Variants in SLC7A7 observed in about 807,000 individuals in gnomAD.
SLC7A7 encodes the protein solute carrier family 7 member 7, also known as Y+L amino acid transporter 1.
In SLC7A7, 39 loss-of-function variants were observed where a neutral mutation model predicts 47.9. The observed-to-expected ratio is 0.81, with a 90% confidence interval of 0.63 to 1.06. The LOEUF (loss-of-function observed/expected upper bound fraction) is 1.06, where lower values mean the gene tolerates loss of function less well. SLC7A7 is among the 50% of genes least tolerant of loss of function. The pLI is 0.00. For missense variants in SLC7A7, 588 were observed against 632.0 expected (o/e 0.93, Z 0.75); for synonymous variants, 234 against 242.8 (o/e 0.96, Z 0.34).
rs572640614 is a variant in SLC7A7, at chr14:22,809,342, C to CTTT, written c.499+3555_499+3557dup. Among the ~76,000 whole-genome samples, 5 of 133,672 alleles carry CTTT rather than the reference C, an allele frequency of 3.7e-5. 1 individual carries two copies. Among genetic ancestry groups the CTTT allele is most frequent in the Non-Finnish European group, 4.9e-5 (3 of 61,718 alleles). The allele number at this position is 133,672 out of a possible 152,430, so 87.7% of individuals were successfully genotyped here. A position where few individuals can be genotyped will look rare whatever the true frequency, so the allele number is the denominator to read the frequency against. ...TATAGGCACCCACCACCACACCCAG[C>CTTT]TTTTTTTTTTTTTTTTGAGACAGAG... On this transcript the variant is annotated intron_variant, in intron 2 of 9. Transcript: ENST00000674313.
chr14:22,793,163 C>T (rs1439651043), intron 2 of SLC7A7, among the ~76,000 whole-genome samples: 3 of 151,822 alleles, frequency 2.0e-5, no homozygotes, highest in East Asian at 2.0e-4. Flanking sequence ...GTAATCCGCC[C>T]GCCTCGGCTT....
At chr14:22,787,630 C>CTA (rs2038840832) in intron 2 of SLC7A7, among the ~76,000 whole-genome samples, 1 of 151,688 alleles carries the variant, frequency 6.6e-6, no homozygotes, top group Non-Finnish European at 1.5e-5. Context: ...ATGGCACACG[C>CTA]CTGTGGTCCC....
rs34293345 is a variant in SLC7A7, at chr14:22,782,414, A to ATT, written c.500-2365_500-2364dup. On this transcript the variant is annotated intron_variant, in intron 2 of 9. Transcript: ENST00000674313. ...CACCGCGCCCGGCCTATATTTTATT[A>ATT]TTTTTTTTTATTTACTTATTTATTG... 2.2e-3 allele frequency among the ~76,000 whole-genome samples: 302 copies of ATT among 137,204 alleles called. 1 individual carries two copies. Among genetic ancestry groups the ATT allele is most frequent in the African/African-American group, 7.3e-3 (278 of 38,338 alleles). 90.0% of individuals were successfully genotyped at this position (137,204 alleles called of 152,430 possible).
chr14:22,793,877 T>G (rs1331581166), intron 2 of SLC7A7, among the ~76,000 whole-genome samples: 1 of 151,942 alleles, frequency 6.6e-6, no homozygotes, highest in African/African-American at 2.4e-5. Flanking sequence ...GATTCTGACC[T>G]TCCCTAAACT....
intron 4 of SLC7A7, among the ~76,000 whole-genome samples, chr14:22,777,524 C>T (rs572497304): frequency 1.3e-5 from 2 of 152,102 alleles, no homozygotes; most frequent in East Asian, 1.9e-4. Flanking sequence ...GTCCCTGTAG[C>T]CCAATAAAGC....
intron 2 of SLC7A7, among the ~76,000 whole-genome samples, chr14:22,812,215 G>A (rs989407492): frequency 7.9e-5 from 12 of 151,810 alleles, no homozygotes; most frequent in Admixed American, 1.3e-4. Context: ...TGCCCAGGCT[G>A]GAGTGCAGTG....
In SLC7A7 at chr14:22,813,198, G is replaced by C. The variant is rs1253918930; in HGVS notation, c.201C>G (p.Ala67=). The C allele has an allele frequency of 6.2e-7, 1 of 1,614,204 alleles. No homozygotes were observed. The highest frequency in any genetic ancestry group is 2.2e-5 in the East Asian group (1 of 44,882). The change falls in exon 2 of 10, where the codon GCC becomes GCG. Residue 67 remains alanine (A), a synonymous_variant. Coordinates refer to ENST00000674313, the MANE Select transcript of SLC7A7 (RefSeq NM_003982.4). ...AGATGACCAGAGAGAGACCAAAGGA[G>C]GCACTGTATATGAGCACACCCTTGG... ...VSPKGVLIYS[A]SFGLSLVIWA... is the part of the protein sequence containing the mutation.
chr14:22,797,662 G>A (rs943390301), intron 2 of SLC7A7, among the ~76,000 whole-genome samples: 1 of 152,176 alleles, frequency 6.6e-6, no homozygotes, highest in African/African-American at 2.4e-5. Context: ...TGCTGCTGGG[G>A]TGGGGGAGGG....
At chr14:22,818,171 G>A (rs1033468757), upstream of SLC7A7, among the ~76,000 whole-genome samples, 19 of 152,294 alleles carry the variant, frequency 1.2e-4, no homozygotes, top group African/African-American at 4.3e-4. Flanking sequence ...GGGGAATGGA[G>A]AGAGAAGTGT....
Position 22,813,167 on chromosome 14 carries a change from C to T in SLC7A7, c.232G>A (p.Val78Ile). The change falls in exon 2 of 10, where the codon GTC becomes ATC. Residue 78 changes from valine to isoleucine, a missense_variant. Val to Ile is a conservative substitution (Grantham distance 29). Transcript: ENST00000674313. ...SFGLSLVIWA[V>I]GGLFSVFGAL... is the part of the protein sequence containing the mutation. ...CCAAAGACGGAGAAGAGGCCCCCGA[C>T]AGCCCAGATGACCAGAGAGAGACCA... 6 of 1,614,224 alleles carry T rather than the reference C, an allele frequency of 3.7e-6. No individual in the cohort carries two copies. The highest frequency in any genetic ancestry group is 5.1e-6 in the Non-Finnish European group (6 of 1,180,046).
rs11430909 is a variant in SLC7A7 at position 22,778,577 on chromosome 14, T to TA, written c.770+215dup. ...TAATGAACAAATGTAAAAATGCCTT[T>TA]AAAAATTTACAAAGCATACATGAGT... On this transcript the variant is annotated intron_variant, in intron 4 of 9. Transcript: ENST00000674313. Among the ~76,000 whole-genome samples, 70,271 of 152,062 alleles carry TA rather than the reference T, an allele frequency of 0.46. 16,420 individuals carry two copies. Among genetic ancestry groups the TA allele is most frequent in the Admixed American group, 0.49 (7,495 of 15,270 alleles).
At chr14:22,794,268 C>T (rs1428770687) in intron 2 of SLC7A7, among the ~76,000 whole-genome samples, 2 of 152,172 alleles carry the variant, frequency 1.3e-5, no homozygotes, top group Non-Finnish European at 2.9e-5. Context: ...TGGGCAGTTA[C>T]ACCTCTGGCA....
chr14:22,801,127 T>C (rs76817858), intron 2 of SLC7A7, among the ~76,000 whole-genome samples: 1 of 152,248 alleles, frequency 6.6e-6, no homozygotes, highest in African/African-American at 2.4e-5. Flanking sequence ...CACTACGTTT[T>C]AGACTATTTG....
Position 22,773,459 on chromosome 14 carries a change from C to T in SLC7A7, c.*151G>A, listed in dbSNP as rs747232531. 4 of 726,080 alleles carry T rather than the reference C, an allele frequency of 5.5e-6. No individual in the cohort carries two copies. In the South Asian group the frequency reaches 6.0e-5, roughly 11 times the overall value. 45.0% of individuals were successfully genotyped at this position (726,080 alleles called of 1,614,324 possible). On this transcript the variant is annotated 3_prime_UTR_variant, in exon 10 of 10. Coordinates refer to ENST00000674313, the MANE Select transcript of SLC7A7 (RefSeq NM_003982.4). ...GTAGCAAAACAAATAAATTACTTTT[C>T]ATTTCAAAAAGTAAGTTCAAAGGTT...
intron 2 of SLC7A7, among the ~76,000 whole-genome samples, chr14:22,788,508 G>T (rs79978587): frequency 0.012 from 1,873 of 151,604 alleles, 23 homozygotes; most frequent in East Asian, 0.035. Flanking sequence ...TTTGAGATCA[G>T]CCTGGCCAAC....
In SLC7A7 at chr14:22,804,917, G is replaced by A. The variant is rs2039175257; in HGVS notation, c.499+7983C>T. ...AGCTACTCAGGAGGCTAAGGCAGGA[G>A]AATTCCTTGAACTTGGGAGGCGGAG... is the stretch of plus-strand genomic sequence containing the variant. On this transcript the variant is annotated intron_variant, in intron 2 of 9. Transcript: ENST00000674313. Among the ~76,000 whole-genome samples, 3 of 152,320 alleles carry A rather than the reference G, an allele frequency of 2.0e-5. No individual in the cohort carries two copies. The South Asian group carries it at 6.2e-4, about 32-fold the overall frequency.
Position 22,773,618 on chromosome 14 carries a change from A to G in SLC7A7, c.1528T>C (p.Ser510Pro). ...GEMPKQRDPK[S>P]N ...AGGATTCCAGATGGTGTTTAGTTAG[A>G]TTTGGGATCCCGTTGCTTGGGCATC... The change falls in exon 10 of 10, where the codon TCT (serine) becomes CCT (proline). Residue 510 changes from serine to proline, a missense_variant. Ser to Pro is a moderately conservative substitution (Grantham distance 74, BLOSUM62 -1). Transcript: ENST00000674313. 1 of 1,613,668 alleles carries G rather than the reference A, an allele frequency of 6.2e-7. No homozygotes were observed. Among genetic ancestry groups the G allele is most frequent in the Non-Finnish European group, 8.5e-7 (1 of 1,179,580 alleles).
At chr14:22,796,710 G>A (rs2039027507) in intron 2 of SLC7A7, among the ~76,000 whole-genome samples, 1 of 152,164 alleles carries the variant, frequency 6.6e-6, no homozygotes, top group East Asian at 1.9e-4. Context: ...GTGGGCAAGT[G>A]TAGGTAAGGC....
At chr14:22,789,525 G>A (rs934884415) in intron 2 of SLC7A7, among the ~76,000 whole-genome samples, 1 of 151,864 alleles carries the variant, frequency 6.6e-6, no homozygotes, top group African/African-American at 2.4e-5. Flanking sequence ...CTACTCAGGA[G>A]GCTGAGGCAG....
Sources: gnomAD v4.1 joint callset for allele counts (sites outside exome capture counted in the v4.1 genomes callset) on GRCh38, gnomAD v4.1.1 for gene constraint, MANE v1.5 for transcripts, NCBI Gene and HGNC (gene_info 2026-07-23, HGNC 2026-07-21) for gene names.